The following ATP6V1A variants were observed in gnomAD, a reference collection of about 807,000 sequenced individuals.
ATP6V1A encodes V-type proton ATPase catalytic subunit A.
A neutral mutation model predicts 70.1 loss-of-function variants in ATP6V1A; 18 were observed. The observed-to-expected ratio is 0.26, with a 90% CI of 0.18 to 0.38. The LOEUF (loss-of-function observed/expected upper bound fraction) is 0.38, where lower values mean the gene tolerates loss of function less well. Among genes scored for constraint, ATP6V1A ranks in the 10% least tolerant of loss-of-function variants. The probability of loss-of-function intolerance (pLI) is 1.00; values close to 1 mark genes in which losing one functional copy is unlikely to be tolerated. For missense variants in ATP6V1A, 424 were observed against 772.4 expected (o/e 0.55, Z 5.35); for synonymous variants, 232 against 253.8 (o/e 0.91, Z 0.82).
intron 1 of ATP6V1A, among the ~76,000 whole-genome samples, chr3:113,763,293 T>C (rs1484003488): frequency 6.6e-6 from 1 of 152,184 alleles, no homozygotes; most frequent in Non-Finnish European, 1.5e-5. Flanking sequence ...TTCACTGTGT[T>C]AGCCAGGATG....
chr3:113,802,167 A>T (rs775677141), intron 12 of ATP6V1A, among the ~76,000 whole-genome samples: 12 of 152,322 alleles, frequency 7.9e-5, no homozygotes, highest in Non-Finnish European at 1.5e-4. Flanking sequence ...AGTAGTACAT[A>T]CTTACTGTAC....
Position 113,794,877 on chromosome 3 carries a change from AC to A in ATP6V1A, c.995del (p.Thr332AsnfsTer15). 1 of 1,603,608 alleles carries A rather than the reference AC, an allele frequency of 6.2e-7. No individual in the cohort carries two copies. The highest frequency in any genetic ancestry group is 8.5e-7 in the Non-Finnish European group (1 of 1,177,374). On this transcript the variant is annotated frameshift_variant, in exon 9 of 15. Transcript: ENST00000273398. LOFTEE classifies it high-confidence loss of function. ...TAATATTCTTCCCAATTTAGGAATC[AC>A]ACTGTCAGAGTACTTCCGTGACATG... ...AREASIYTGITLSEYFRDMGY... is the reference protein window; with the variant it reads ...AREASIYTGIXLSEYFRDMGY...
chr3:113,786,428 A>G (rs1383444257), intron 6 of ATP6V1A, 45 bp downstream of exon 6: 2 of 1,581,716 alleles, frequency 1.3e-6, no homozygotes, highest in Non-Finnish European at 1.7e-6. Context: ...GAGTTATTAT[A>G]TGTGCTTATG....
Position 113,809,364 on chromosome 3 carries a change from C to A in ATP6V1A, c.1791C>A (p.Ile597=), listed in dbSNP as rs149804500. 1.8e-4 allele frequency: 292 copies of A among 1,606,470 alleles called. No individual in the cohort carries two copies. Among genetic ancestry groups the A allele is most frequent in the Admixed American group, 2.0e-4 (12 of 59,802 alleles). The part of the protein sequence containing the change: ...KDPLKDGEAK[I]KSDYAQLLED... The stretch of plus-strand genomic sequence containing the variant: ...CACTGAAAGATGGTGAGGCAAAGAT[C>A]AAAAGCGACTATGCACAACTTCTTG... Residue 597 remains isoleucine, a synonymous_variant, in exon 15 of 15, where the codon ATC becomes ATA. Transcript: ENST00000273398.
At chr3:113,777,931 A>C (rs1214008205) in intron 1 of ATP6V1A, among the ~76,000 whole-genome samples, 1 of 152,162 alleles carries the variant, frequency 6.6e-6, no homozygotes, top group Non-Finnish European at 1.5e-5. Flanking sequence ...TAAGTCAGAG[A>C]GGTCATTGAG....
intron 1 of ATP6V1A, among the ~76,000 whole-genome samples, chr3:113,768,684 C>T (rs1708801872): frequency 6.7e-6 from 1 of 150,024 alleles, no homozygotes; most frequent in African/African-American, 2.5e-5. Flanking sequence ...CAACCTCTGC[C>T]TTCCACGTTC....
At position 113,789,963 on chromosome 3, in the gene ATP6V1A, C is replaced by T. The variant is rs1489852292; in HGVS notation, c.988+123C>T. 4 of 673,922 alleles carry T rather than the reference C, an allele frequency of 5.9e-6. No individual in the cohort carries two copies. In the African/African-American group the frequency reaches 7.4e-5, roughly 12 times the overall value. The allele number at this position is 673,922 out of a possible 1,614,324, so 41.7% of individuals were successfully genotyped here. A position where few individuals can be genotyped will look rare whatever the true frequency, so the allele number is the denominator to read the frequency against. ...TATCTCTGTACATATAAGCACATTCCTAGCTTTTAAAAAATATTTTACTTG... is the reference window on the plus strand; with the variant it reads ...TATCTCTGTACATATAAGCACATTCTTAGCTTTTAAAAAATATTTTACTTG... On this transcript the variant is annotated intron_variant, in intron 8 of 14. Coordinates refer to ENST00000273398, the MANE Select transcript of ATP6V1A (RefSeq NM_001690.4).
intron 13 of ATP6V1A, among the ~76,000 whole-genome samples, chr3:113,804,801 T>C (rs1709256744): frequency 6.6e-6 from 1 of 152,250 alleles, no homozygotes; most frequent in African/African-American, 2.4e-5. Flanking sequence ...TACGAATGTA[T>C]GTGACTGAAG....
In ATP6V1A at chr3:113,795,933, C is replaced by T. The variant is rs370231379; in HGVS notation, c.1284C>T (p.Ile428=). The T allele has an allele frequency of 4.0e-5, 64 of 1,609,214 alleles. No individual in the cohort carries two copies. Among genetic ancestry groups the T allele is most frequent in the Non-Finnish European group, 4.8e-5 (57 of 1,178,422 alleles). Residue 428 remains isoleucine, a synonymous_variant, in exon 11 of 15, where the codon ATC becomes ATT. Transcript: ENST00000273398. The part of the protein sequence containing the change: ...SDPVTSATLG[I]VQVFWGLDKK... ...CAGTTACATCTGCCACTCTTGGTAT[C>T]GTTCAGGTATGTCTTTCCCTAGTAT...
chr3:113,796,566 A>G (rs566801814), intron 11 of ATP6V1A, among the ~76,000 whole-genome samples: 16 of 152,196 alleles, frequency 1.1e-4, no homozygotes, highest in Admixed American at 2.0e-4. Context: ...GTGACAAGAC[A>G]TGAATTTTAG....
rs1709313332 is a variant in ATP6V1A, at chr3:113,809,219, C to A, written c.1762-116C>A. On this transcript the variant is annotated intron_variant, in intron 14 of 14. Transcript: ENST00000273398. ...GCAGTGAGCCAAGATCGTGCCACTG[C>A]ACTCCAGCCTGGGTGACAGAGCAAG... The A allele has an allele frequency of 9.7e-6, 7 of 719,094 alleles. No individual in the cohort carries two copies. The South Asian group carries it at 1.1e-4, about 11-fold the overall frequency. 44.5% of individuals were successfully genotyped at this position (719,094 alleles called of 1,614,324 possible).
chr3:113,768,363 A>G (rs903662028), intron 1 of ATP6V1A, among the ~76,000 whole-genome samples: 1 of 152,170 alleles, frequency 6.6e-6, no homozygotes, highest in African/African-American at 2.4e-5. Flanking sequence ...AATATGTACA[A>G]TATAAAAATA....
chr3:113,760,684 G>A (rs533865652), intron 1 of ATP6V1A, among the ~76,000 whole-genome samples: 36 of 151,994 alleles, frequency 2.4e-4, no homozygotes, highest in Non-Finnish European at 4.1e-4. Flanking sequence ...AGCCGAGATC[G>A]CACCATTGCA....
chr3:113,775,234 T>C (rs1378027982), intron 1 of ATP6V1A, among the ~76,000 whole-genome samples: 7 of 152,014 alleles, frequency 4.6e-5, no homozygotes, highest in Non-Finnish European at 7.4e-5. Flanking sequence ...AGGAACTTTT[T>C]TTTTTTTTTT....
At chr3:113,766,874 G>A (rs1405644281) in intron 1 of ATP6V1A, among the ~76,000 whole-genome samples, 1 of 152,038 alleles carries the variant, frequency 6.6e-6, no homozygotes, top group African/African-American at 2.4e-5. Context: ...AACTACTGTC[G>A]AAGTAAGGTG....
chr3:113,769,342 T>C (rs570488845), intron 1 of ATP6V1A, among the ~76,000 whole-genome samples: 1 of 152,352 alleles, frequency 6.6e-6, no homozygotes, highest in South Asian at 2.1e-4. Flanking sequence ...TTATAATCCA[T>C]TAGATTCTTC....
intron 13 of ATP6V1A, among the ~76,000 whole-genome samples, chr3:113,804,950 T>A (rs964492328): frequency 1.3e-5 from 2 of 152,184 alleles, no homozygotes; most frequent in African/African-American, 2.4e-5. Context: ...TAATCCACTA[T>A]CACAAGGGAG....
At chr3:113,805,311 G>T in intron 13 of ATP6V1A, 43 bp from the exon 14 acceptor site, 1 of 1,572,386 alleles carries the variant, frequency 6.4e-7, no homozygotes, top group Non-Finnish European at 8.7e-7. Context: ...AACCTGTTTT[G>T]GAGTTTATTT....
intron 6 of ATP6V1A, 52 bp from the exon 7 acceptor site, chr3:113,788,661 A>T: frequency 6.4e-7 from 1 of 1,563,930 alleles, no homozygotes; most frequent in Non-Finnish European, 8.7e-7. Context: ...TACTTTATTT[A>T]TTAATATCTA....
Sources: gnomAD v4.1 joint callset for allele counts (sites outside exome capture counted in the v4.1 genomes callset) on GRCh38, gnomAD v4.1.1 for gene constraint, MANE v1.5 for transcripts, NCBI Gene and HGNC (gene_info 2026-07-23, HGNC 2026-07-21) for gene names.